Variants in KCNK2 observed in about 807,000 individuals in gnomAD.
KCNK2 encodes the protein potassium channel subfamily K member 2.
KCNK2 carries 21 observed loss-of-function variants against 40.5 expected under a neutral mutation model. The ratio of observed to expected loss-of-function variants is 0.52; its 90% CI spans 0.37 to 0.75. The LOEUF is 0.75. KCNK2 is among the 30% of genes least tolerant of loss of function. KCNK2 has a pLI of 0.00. For missense variants in KCNK2, 399 were observed against 531.6 expected (o/e 0.75, Z 2.45); for synonymous variants, 191 against 202.2 (o/e 0.94, Z 0.47).
At chr1:215,066,773 C>A (rs1196182109) in intron 1 of KCNK2, among the ~76,000 whole-genome samples, 1 of 151,966 alleles carries the variant, frequency 6.6e-6, no homozygotes, top group Non-Finnish European at 1.5e-5. Context: ...TAACTTCAGG[C>A]CAGGTAGTAG....
chr1:215,141,659 A>G (rs551585629), intron 3 of KCNK2, among the ~76,000 whole-genome samples: 6 of 152,260 alleles, frequency 3.9e-5, no homozygotes, highest in Non-Finnish European at 5.9e-5. Context: ...TTGGCTGGGT[A>G]TAAAATTCTG....
At chr1:215,196,821 G>C (rs1485483576) in intron 6 of KCNK2, among the ~76,000 whole-genome samples, 1 of 151,852 alleles carries the variant, frequency 6.6e-6, no homozygotes, top group East Asian at 1.9e-4. Context: ...GGAATGTTTT[G>C]GACAACATAG....
intron 1 of KCNK2, among the ~76,000 whole-genome samples, chr1:215,085,297 T>G (rs1659380539): frequency 1.3e-5 from 2 of 152,202 alleles, no homozygotes; most frequent in South Asian, 4.1e-4. Context: ...AAAAGTCTTA[T>G]TTTTCGGCCA....
At chr1:215,111,940 A>G (rs1660701639) in intron 2 of KCNK2, among the ~76,000 whole-genome samples, 1 of 150,566 alleles carries the variant, frequency 6.6e-6, no homozygotes, top group Admixed American at 6.6e-5. Context: ...TGGGCCTCAA[A>G]TCTTTTTTAT....
At chr1:215,115,963 T>G (rs1039155736) in intron 2 of KCNK2, among the ~76,000 whole-genome samples, 8 of 151,592 alleles carry the variant, frequency 5.3e-5, no homozygotes, top group African/African-American at 1.9e-4. Context: ...ATGTTTTTTT[T>G]TTTTTTTTTC....
intron 1 of KCNK2, among the ~76,000 whole-genome samples, chr1:215,036,776 T>A (rs2102489725): frequency 1.3e-5 from 2 of 152,058 alleles, no homozygotes; most frequent in Admixed American, 1.3e-4. Flanking sequence ...TTCATATATT[T>A]TGATGTTTTT....
intron 3 of KCNK2, among the ~76,000 whole-genome samples, chr1:215,133,774 C>A (rs1661775091): frequency 6.6e-6 from 1 of 152,054 alleles, no homozygotes; most frequent in African/African-American, 2.4e-5. Flanking sequence ...GGTTTATGTG[C>A]ACCTAAAGTA....
intron 2 of KCNK2, among the ~76,000 whole-genome samples, chr1:215,107,999 G>T (rs967427022): frequency 1.3e-5 from 2 of 152,132 alleles, no homozygotes; most frequent in African/African-American, 2.4e-5. Flanking sequence ...TGGCGGTCAG[G>T]GGAGGATGGT....
chr1:215,091,106 C>T (rs923285326), intron 2 of KCNK2, among the ~76,000 whole-genome samples: 9 of 152,018 alleles, frequency 5.9e-5, no homozygotes, highest in Admixed American at 2.6e-4. Context: ...GGAATCCCTA[C>T]GTGTTGGGGC....
At chr1:215,007,013 ATATATATATATATATATATATATATG>A (rs1558053802) in intron 1 of KCNK2, among the ~76,000 whole-genome samples, 1 of 18,978 alleles carries the variant, frequency 5.3e-5, no homozygotes, top group African/African-American at 9.2e-5. Context: ...ATATATATAT[ATATATATATATATATATATATATATG>A]TGTGTGTGTG....
chr1:215,234,395 A>C (rs1233979525), intron 6 of KCNK2, among the ~76,000 whole-genome samples: 1 of 151,842 alleles, frequency 6.6e-6, no homozygotes, highest in Non-Finnish European at 1.5e-5. Context: ...CATATTGCAG[A>C]CTCTTTTATT....
At chr1:215,211,766 G>T (rs1665753942) in intron 6 of KCNK2, among the ~76,000 whole-genome samples, 2 of 152,124 alleles carry the variant, frequency 1.3e-5, no homozygotes, top group East Asian at 3.9e-4. Context: ...TAGAGATTTT[G>T]TTTTTCATGC....
rs546643145 is a variant in KCNK2 at position 215,153,071 on chromosome 1, A to C, written c.476-16128A>C. Among the ~76,000 whole-genome samples, 17 of 152,288 alleles carry C rather than the reference A, an allele frequency of 1.1e-4. No individual in the cohort carries two copies. In the South Asian group the frequency reaches 3.5e-3, roughly 32 times the overall value. On this transcript the variant is annotated intron_variant, in intron 3 of 6. Coordinates refer to ENST00000444842, the MANE Select transcript of KCNK2 (RefSeq NM_001017425.3). ...GCACCCAACAAGTCTAAACAGTTTA[A>C]CTCTGTGACTTAATTTCAGTAAATC...
At chr1:215,051,206 G>C (rs1415348897) in intron 1 of KCNK2, among the ~76,000 whole-genome samples, 1 of 152,118 alleles carries the variant, frequency 6.6e-6, no homozygotes, top group Non-Finnish European at 1.5e-5. Context: ...CTCCTGAGTA[G>C]CTGGGATTAC....
intron 1 of KCNK2, among the ~76,000 whole-genome samples, chr1:215,028,190 C>G: frequency 6.6e-6 from 1 of 152,072 alleles, no homozygotes; most frequent in East Asian, 1.9e-4. Flanking sequence ...AGTTCAAAAC[C>G]AGCCTGGCCA....
chr1:215,051,561 C>T (rs75837050), intron 1 of KCNK2, among the ~76,000 whole-genome samples: 7,958 of 152,206 alleles, frequency 0.052, 635 homozygotes, highest in African/African-American at 0.18. Flanking sequence ...TTATTACTGT[C>T]TATAAAGTAA....
rs1167661631 is a variant in KCNK2 at position 215,093,905 on chromosome 1, T to C, written c.357+7227T>C. Among the ~76,000 whole-genome samples the C allele has an allele frequency of 1.5e-3, 167 of 114,548 alleles. 1 individual carries two copies. Among genetic ancestry groups the C allele is most frequent in the African/African-American group, 5.5e-3 (165 of 30,130 alleles). 75.1% of individuals were successfully genotyped at this position (114,548 alleles called of 152,430 possible). A position where few individuals can be genotyped will look rare whatever the true frequency, so the allele number is the denominator to read the frequency against. The stretch of plus-strand genomic sequence containing the variant: ...ATATATTATATATAAAAATATATTA[T>C]ATATTATATATAAAAATATATATTA... On this transcript the variant is annotated intron_variant, in intron 2 of 6. Coordinates refer to ENST00000444842, the MANE Select transcript of KCNK2 (RefSeq NM_001017425.3).
At chr1:215,061,758 TA>T (rs201182008) in intron 1 of KCNK2, among the ~76,000 whole-genome samples, 1 of 151,700 alleles carries the variant, frequency 6.6e-6, no homozygotes, top group African/African-American at 2.4e-5. Flanking sequence ...CATTTTTTTT[TA>T]AAAAAAATTT....
intron 1 of KCNK2, among the ~76,000 whole-genome samples, chr1:215,055,437 A>T (rs777392174): frequency 9.9e-5 from 15 of 152,244 alleles, no homozygotes; most frequent in Admixed American, 6.5e-5. Context: ...CAGCATCCCC[A>T]CAGAACTGCT....
Sources: allele counts gnomAD v4.1 joint callset (sites outside exome capture counted in the v4.1 genomes callset), GRCh38; gene constraint gnomAD v4.1.1; transcripts MANE v1.5; gene names NCBI Gene and HGNC (gene_info 2026-07-23, HGNC 2026-07-21).